The following ENPP2 variants were observed in gnomAD, a reference collection of about 807,000 sequenced individuals.
ENPP2 encodes autotaxin.
A neutral mutation model predicts 120.2 loss-of-function variants in ENPP2; 51 were observed. The observed-to-expected ratio is 0.42, with a 90% CI of 0.34 to 0.54. The LOEUF (loss-of-function observed/expected upper bound fraction) is 0.54, where lower values mean the gene tolerates loss of function less well. Ranked by LOEUF, ENPP2 falls within the 20% of genes least tolerant of loss-of-function variation. The pLI, the probability that ENPP2 is intolerant of heterozygous loss-of-function variation, is 0.04. For synonymous variants in ENPP2, 365 were observed against 366.4 expected (o/e 1.00, Z 0.04); for missense variants, 920 against 1,066.5 (o/e 0.86, Z 1.91).
intron 2 of ENPP2, among the ~76,000 whole-genome samples, chr8:119,635,779 C>A (rs1255946153): frequency 1.3e-5 from 2 of 152,154 alleles, no homozygotes; most frequent in Non-Finnish European, 2.9e-5. Context: ...TCCTGTTCAG[C>A]CATTATTTCC....
chr8:119,589,233 G>C (rs566890494), intron 13 of ENPP2, among the ~76,000 whole-genome samples: 107 of 152,294 alleles, frequency 7.0e-4, no homozygotes, highest in African/African-American at 2.4e-3. Flanking sequence ...TGCAGATGAG[G>C]AAGCAGAGGT....
intron 17 of ENPP2, among the ~76,000 whole-genome samples, chr8:119,582,809 A>C (rs1343246991): frequency 2.0e-5 from 3 of 152,168 alleles, no homozygotes; most frequent in Non-Finnish European, 2.9e-5. Context: ...TTTCTGAAAT[A>C]CCCAAGTTCA....
intron 1 of ENPP2, among the ~76,000 whole-genome samples, chr8:119,672,460 G>A (rs900758642): frequency 2.0e-5 from 3 of 152,080 alleles, no homozygotes; most frequent in African/African-American, 7.2e-5. Context: ...AGCAATCGCT[G>A]GAACCCTTTG....
chr8:119,587,488 T>C (rs1181423787), intron 13 of ENPP2, among the ~76,000 whole-genome samples: 1 of 152,216 alleles, frequency 6.6e-6, no homozygotes, highest in African/African-American at 2.4e-5. Flanking sequence ...CTGCAGATTT[T>C]TGAAACAAGT....
intron 19 of ENPP2, among the ~76,000 whole-genome samples, chr8:119,578,775 C>T (rs538178890): frequency 2.6e-5 from 4 of 152,238 alleles, no homozygotes; most frequent in South Asian, 2.1e-4. Flanking sequence ...AGATTCATTC[C>T]GTTCTGTGCC....
At chr8:119,576,518 A>G (rs2130214775) in intron 19 of ENPP2, among the ~76,000 whole-genome samples, 1 of 152,350 alleles carries the variant, frequency 6.6e-6, no homozygotes, top group Non-Finnish European at 1.5e-5. Flanking sequence ...AGGTGTTAAA[A>G]TTATTTTTAA....
At chr8:119,620,382 T>A (rs1815802557) in intron 4 of ENPP2, among the ~76,000 whole-genome samples, 2 of 152,336 alleles carry the variant, frequency 1.3e-5, no homozygotes, top group South Asian at 4.1e-4. Flanking sequence ...GCATAATTAT[T>A]GGGTAGGGGA....
chr8:119,665,873 G>C (rs1478176838), intron 1 of ENPP2, among the ~76,000 whole-genome samples: 1 of 152,060 alleles, frequency 6.6e-6, no homozygotes, highest in Non-Finnish European at 1.5e-5. Flanking sequence ...CAGACCAAAT[G>C]GATGCATAAA....
At chr8:119,584,669 C>G (rs1010783692) in intron 15 of ENPP2, among the ~76,000 whole-genome samples, 1 of 152,158 alleles carries the variant, frequency 6.6e-6, no homozygotes, top group Admixed American at 6.5e-5. Context: ...CATGGTCTCA[C>G]CTAGACAATA....
At chr8:119,658,179 C>A (rs570476167) in intron 1 of ENPP2, among the ~76,000 whole-genome samples, 2 of 152,266 alleles carry the variant, frequency 1.3e-5, no homozygotes, top group East Asian at 3.9e-4. Flanking sequence ...CTTTATATTT[C>A]TTTTTTCAAA....
At chr8:119,665,494 A>AT (rs1818043092) in intron 1 of ENPP2, among the ~76,000 whole-genome samples, 1 of 152,108 alleles carries the variant, frequency 6.6e-6, no homozygotes, top group Non-Finnish European at 1.5e-5. Flanking sequence ...CAAACATGTC[A>AT]TTTTCCCTTA....
chr8:119,594,006 C>A (rs2130478279), intron 11 of ENPP2, 146 bp from the exon 12 acceptor site: 1 of 657,120 alleles, frequency 1.5e-6, no homozygotes, highest in Non-Finnish European at 2.7e-6. Flanking sequence ...GCCTGCCATT[C>A]TTAATGAAAT....
rs778751766 is a variant in ENPP2 at position 119,574,317 on chromosome 8, G to A, written c.1781-3476C>T. On this transcript the variant is annotated intron_variant, in intron 19 of 24. Coordinates refer to ENST00000075322, the MANE Select transcript of ENPP2 (RefSeq NM_001040092.3). ...CGGCACACATTGAGATCTTTATCTCGAGACCAGCAACCCTGGAGACTAGCC... is the reference window on the plus strand; with the variant it reads ...CGGCACACATTGAGATCTTTATCTCAAGACCAGCAACCCTGGAGACTAGCC... 5.3e-5 allele frequency among the ~76,000 whole-genome samples: 8 copies of A among 151,436 alleles called. No homozygotes were observed. In the South Asian group the frequency reaches 6.3e-4, roughly 12 times the overall value.
intron 18 of ENPP2, among the ~76,000 whole-genome samples, chr8:119,581,407 G>A (rs1456325238): frequency 1.3e-5 from 2 of 152,050 alleles, no homozygotes; most frequent in Non-Finnish European, 2.9e-5. Flanking sequence ...TGGCATCAAA[G>A]AGCAAACTTG....
intron 2 of ENPP2, among the ~76,000 whole-genome samples, chr8:119,635,622 A>G (rs1816952514): frequency 6.6e-6 from 1 of 152,236 alleles, no homozygotes; most frequent in Non-Finnish European, 1.5e-5. Flanking sequence ...GTTATGGCTT[A>G]TATTTTCTTA....
intron 1 of ENPP2, among the ~76,000 whole-genome samples, chr8:119,651,382 T>G (rs1272398708): frequency 6.6e-6 from 1 of 152,204 alleles, no homozygotes; most frequent in Non-Finnish European, 1.5e-5. Flanking sequence ...GACATTTACA[T>G]AGTGCATAAT....
chr8:119,562,892 G>GGAT lies in ENPP2; in HGVS notation c.2383_2385dup (p.Ile795dup). On this transcript the variant is annotated inframe_insertion, in exon 24 of 25. Coordinates refer to ENST00000075322, the MANE Select transcript of ENPP2 (RefSeq NM_001040092.3). ...TCCTCGTTGTCAGGCCGGTGAGGCA[G>GGAT]GATGAAGGAGGACACAGAGAGAGGG... 1 of 1,614,188 alleles carries GGAT rather than the reference G, an allele frequency of 6.2e-7. No homozygotes were observed. Among genetic ancestry groups the GGAT allele is most frequent in the Non-Finnish European group, 8.5e-7 (1 of 1,180,008 alleles).
chr8:119,581,644 C>T (rs540058061), intron 18 of ENPP2, among the ~76,000 whole-genome samples: 48 of 152,152 alleles, frequency 3.2e-4, no homozygotes, highest in Non-Finnish European at 5.7e-4. Context: ...AGGTACTATG[C>T]GAACCCCAGG....
chr8:119,564,066 G>A (rs147007346), intron 23 of ENPP2, among the ~76,000 whole-genome samples: 330 of 151,322 alleles, frequency 2.2e-3, no homozygotes, highest in African/African-American at 7.7e-3. Flanking sequence ...TAGACTGTGG[G>A]GTCCCTTATG....
Sources: allele counts gnomAD v4.1 joint callset (sites outside exome capture counted in the v4.1 genomes callset), GRCh38; gene constraint gnomAD v4.1.1; transcripts MANE v1.5; gene names NCBI Gene and HGNC (gene_info 2026-07-23, HGNC 2026-07-21).